The following RTN2 variants were observed in gnomAD, a reference collection of about 807,000 sequenced individuals.
The protein encoded by RTN2 is reticulon 2.
Under a neutral mutation model 63.7 loss-of-function variants are expected in RTN2, and 36 were observed. The observed-to-expected ratio is 0.56, with a 90% CI of 0.43 to 0.75. The LOEUF (loss-of-function observed/expected upper bound fraction) is 0.75, where lower values mean the gene tolerates loss of function less well. Among genes scored for constraint, RTN2 ranks in the 30% least tolerant of loss-of-function variants. The pLI is 0.00. For synonymous variants in RTN2, 312 were observed against 313.0 expected, an observed-to-expected ratio of 1.00 and a Z score of 0.03; for missense variants, 673 against 705.1, an observed-to-expected ratio of 0.95 and a Z score of 0.52.
chr19:45,495,332 T>TA (rs766440358), intron 1 of RTN2, 193 bp from the exon 2 acceptor site: 2 of 645,138 alleles, frequency 3.1e-6, no homozygotes, highest in Non-Finnish European at 2.7e-6. Context: ...ATCTTAATCT[T>TA]AGAGTCTTCA....
Position 45,489,411 on chromosome 19 carries a change from G to A in RTN2, c.1176C>T (p.Ile392=), listed in dbSNP as rs777385348. 24 of 1,604,730 alleles carry A rather than the reference G, an allele frequency of 1.5e-5. No homozygotes were observed. Among genetic ancestry groups the A allele is most frequent in the Non-Finnish European group, 2.0e-5 (23 of 1,176,080 alleles). ...HLALLLLCGT[I]SLRVYRKVLQ... ...GCACTTTGCGGTAAACCCTGAGAGA[G>A]ATGGTGCCGCAGAGCAGCAACAGAG... is the stretch of plus-strand genomic sequence containing the variant. Residue 392 remains isoleucine (I), a synonymous_variant, in exon 6 of 11, where the codon ATC becomes ATT. Coordinates refer to ENST00000245923, the MANE Select transcript of RTN2 (RefSeq NM_005619.5).
At chr19:45,485,982 G>A in intron 10 of RTN2, 73 bp downstream of exon 10, 2 of 1,460,732 alleles carry the variant, frequency 1.4e-6, no homozygotes, top group South Asian at 2.3e-5. Context: ...TTTGCGGACA[G>A]CGAGAGTAGA....
Position 45,489,676 on chromosome 19 carries a change from C to CTTT in RTN2, c.1034-126_1034-124dup, listed in dbSNP as rs200770145. 0.052 allele frequency: 25,463 copies of CTTT among 492,892 alleles called. 643 individuals are homozygous for CTTT. The highest frequency in any genetic ancestry group is 0.065 in the East Asian group (1,931 of 29,604). The allele number at this position is 492,892 out of a possible 1,614,324, so 30.5% of individuals were successfully genotyped here. On this transcript the variant is annotated intron_variant, in intron 5 of 10. Coordinates refer to ENST00000245923, the MANE Select transcript of RTN2 (RefSeq NM_005619.5). ...ACCTGTTTGAGCATAACCTGATTTC[C>CTTT]TTTTTTTTTTTTTTTTTTTGAGAGA...
chr19:45,494,765 T>C lies in RTN2; in HGVS notation c.320A>G (p.Asp107Gly). The change falls in exon 3 of 11, where the codon GAC (aspartate) becomes GGC (glycine). Residue 107 changes from aspartate (D) to glycine (G), a missense_variant. Coordinates refer to ENST00000245923, the MANE Select transcript of RTN2 (RefSeq NM_005619.5). This position sits in a 1 kb window ranked among gnomAD's most constrained non-coding sequence, Gnocchi z 5.3. ...CAGGCTGGGGATGCTCTCCAAGCTG[T>C]CGCCCAGGCTGGGCTGAGGGTGCTG... ...RDQHPQPSLG[D>G]SLESIPSLSQ... is the part of the protein sequence containing the mutation. 1 of 1,608,098 alleles carries C rather than the reference T, an allele frequency of 6.2e-7. No homozygotes were observed.
Position 45,488,887 on chromosome 19 carries a change from C to G in RTN2, c.1341G>C (p.Arg447=), listed in dbSNP as rs1186067804. The change falls in exon 7 of 11, where the codon CGG becomes CGC. Residue 447 remains arginine, a synonymous_variant. Coordinates refer to ENST00000245923, the MANE Select transcript of RTN2 (RefSeq NM_005619.5). ...CGAGGTCTTCTACCAGGAAGAAGTG[C>G]CGCAGCTGCGTGGCCGCCGAGACCA... ...SRVVSAATQL[R]HFFLVEDLVD... is the part of the protein sequence containing the mutation. 1 of 1,605,522 alleles carries G rather than the reference C, an allele frequency of 6.2e-7. No individual in the cohort carries two copies. The highest frequency in any genetic ancestry group is 1.7e-5 in the Admixed American group (1 of 57,970).
Position 45,485,446 on chromosome 19 carries a change from C to T in RTN2, c.*262G>A, listed in dbSNP as rs994921989. 5 of 515,278 alleles carry T rather than the reference C, an allele frequency of 9.7e-6. No individual in the cohort carries two copies. Among genetic ancestry groups the T allele is most frequent in the African/African-American group, 9.6e-5 (5 of 52,332 alleles). 31.9% of individuals were successfully genotyped at this position (515,278 alleles called of 1,614,324 possible). A position where few individuals can be genotyped will look rare whatever the true frequency, so the allele number is the denominator to read the frequency against. On this transcript the variant is annotated 3_prime_UTR_variant, in exon 11 of 11. Transcript: ENST00000245923. The stretch of plus-strand genomic sequence containing the variant: ...GGGTCCGGAAGTGCAGGGTGGTGCC[C>T]TGTCTAGGCAACTACAAGTCCCAGC...
Position 45,485,713 on chromosome 19 carries a change from C to A in RTN2, c.1633G>T (p.Glu545Ter), listed in dbSNP as rs749254111. 4 of 1,613,748 alleles carry A rather than the reference C, an allele frequency of 2.5e-6. No individual in the cohort carries two copies. Among genetic ancestry groups the A allele is most frequent in the Non-Finnish European group, 3.4e-6 (4 of 1,179,800 alleles). ...TGCGGGCAGAGACACCGTTCTCATT[C>A]GGCTTTGGCTTTGGATCCGGAGACT... ...AAVSGSKAKA[E>*] The change falls in exon 11 of 11, where the codon GAA becomes TAA. Residue 545 changes from glutamate to a stop codon, truncating the protein, a stop_gained. Transcript: ENST00000245923. LOFTEE classifies it high-confidence loss of function.
At position 45,494,390 on chromosome 19, in the gene RTN2, G is replaced by C. The variant is rs545688175; in HGVS notation, c.590C>G (p.Pro197Arg). The C allele has an allele frequency of 3.1e-6, 5 of 1,613,766 alleles. No individual in the cohort carries two copies. In the South Asian group the frequency reaches 4.4e-5, roughly 14 times the overall value. Reference sequence around the variant, plus strand: ...GGGAGTCAAGACCTCGGGCGATGAGGGCTGAGCAAGTCGGAGTCGTAGGTC... The same window carrying C: ...GGGAGTCAAGACCTCGGGCGATGAGCGCTGAGCAAGTCGGAGTCGTAGGTC... ...ELDLRLRLAQ[P>R]SSPEVLTPQL... The change falls in exon 4 of 11, where the codon CCC (proline) becomes CGC (arginine). Residue 197 changes from proline to arginine, a missense_variant. Transcript: ENST00000245923. This position sits in a 1 kb window ranked among gnomAD's most constrained non-coding sequence, Gnocchi z 5.3.
rs1187972024 is a variant in RTN2 at position 45,485,691 on chromosome 19, G to C, written c.*17C>G. ...CGGGGGCTGGGGGCAGGCGTCCTGC[G>C]GGCAGAGACACCGTTCTCATTCGGC... On this transcript the variant is annotated 3_prime_UTR_variant, in exon 11 of 11. Coordinates refer to ENST00000245923, the MANE Select transcript of RTN2 (RefSeq NM_005619.5). The C allele has an allele frequency of 1.1e-5, 17 of 1,609,332 alleles. No homozygotes were observed. Among genetic ancestry groups the C allele is most frequent in the East Asian group, 2.2e-5 (1 of 44,864 alleles).
At chr19:45,493,538 C>A (rs770443953) in intron 4 of RTN2, among the ~76,000 whole-genome samples, 160 bp from the exon 5 acceptor site, 1 of 152,190 alleles carries the variant, frequency 6.6e-6, no homozygotes, top group Non-Finnish European at 1.5e-5. Context: ...AAAGGATCCT[C>A]CCGCCTCGGC....
In RTN2 at chr19:45,494,593, G is replaced by C; in HGVS notation, c.492C>G (p.Ser164Arg). 1.2e-6 allele frequency: 2 copies of C among 1,614,064 alleles called. No individual in the cohort carries two copies. Among genetic ancestry groups the C allele is most frequent in the Non-Finnish European group, 1.7e-6 (2 of 1,180,024 alleles). Residue 164 changes from serine to arginine, a missense_variant, in exon 3 of 11, where the codon AGC becomes AGG. Transcript: ENST00000245923. The surrounding 1 kb of genome is among the most constrained non-coding windows in gnomAD (Gnocchi z 5.3). ...TGSGEDSSTS[S>R]STPLEDEEPQ... ...GTTCTTCGTCTTCCAGCGGGGTGGA[G>C]CTGCTGGTGGAAGAGTCCTCCCCGG...
intron 8 of RTN2, 39 bp from the exon 9 acceptor site, chr19:45,488,556 G>C (rs774409183): frequency 6.2e-7 from 1 of 1,613,696 alleles, no homozygotes; most frequent in African/African-American, 1.3e-5. Context: ...GTGTTCCCAA[G>C]AGATGAACAG....
At chr19:45,491,657 G>A (rs922150123) in intron 5 of RTN2, among the ~76,000 whole-genome samples, 9 of 151,122 alleles carry the variant, frequency 6.0e-5, no homozygotes, top group African/African-American at 1.7e-4. Context: ...TCAGCCTCCC[G>A]AGTAGCTGGG....
At chr19:45,493,427 G>A in intron 4 of RTN2, 49 bp from the exon 5 acceptor site, 1 of 1,311,110 alleles carries the variant, frequency 7.6e-7, no homozygotes, top group East Asian at 2.3e-5. Context: ...TTTACAACTG[G>A]CCAATAGATG....
intron 7 of RTN2, 70 bp from the exon 8 acceptor site, chr19:45,488,776 G>A: frequency 6.3e-7 from 1 of 1,594,768 alleles, no homozygotes; most frequent in African/African-American, 1.3e-5. Context: ...TTACCCAACA[G>A]TCGCCCTCCC....
chr19:45,493,116 T>C (rs1471193892), intron 5 of RTN2, 44 bp downstream of exon 5: 1 of 1,571,928 alleles, frequency 6.4e-7, no homozygotes, highest in Non-Finnish European at 8.7e-7. Context: ...TTGGACCCCG[T>C]TCCGCCGACC....
In RTN2 at chr19:45,489,519, C is replaced by A; in HGVS notation, c.1068G>T (p.Thr356=). ...TCAGGCCTGTGAAGACCACTCCTGA[C>A]GTCCTCGTGTCCTTCCAGTACAGCA... is the stretch of plus-strand genomic sequence containing the variant. The part of the protein sequence containing the change: ...ADLLYWKDTR[T]SGVVFTGLMV... Residue 356 remains threonine, a synonymous_variant, in exon 6 of 11, where the codon ACG becomes ACT. Transcript: ENST00000245923. 3.1e-6 allele frequency: 5 copies of A among 1,609,232 alleles called. No individual in the cohort carries two copies. The highest frequency in any genetic ancestry group is 4.2e-6 in the Non-Finnish European group (5 of 1,177,820).
chr19:45,494,540 C>T lies in RTN2; in HGVS notation c.545G>A (p.Gly182Glu), dbSNP rs866720252. 3 of 1,613,576 alleles carry T rather than the reference C, an allele frequency of 1.9e-6. No homozygotes were observed. Among genetic ancestry groups the T allele is most frequent in the Non-Finnish European group, 2.5e-6 (3 of 1,179,568 alleles). Reference protein sequence around the residue: ...EPQEPNRLETGEAGEELDLRL... With the variant: ...EPQEPNRLETEEAGEELDLRL... ...GGACATCTCACCTTCCCCAGCTTCT[C>T]CTGTCTCCAATCTGTTGGGTTCTTG... The change falls in exon 3 of 11, where the codon GGA (glycine) becomes GAA (glutamate). Residue 182 changes from glycine to glutamate, a missense_variant. Gly to Glu is a moderately conservative substitution (Grantham distance 98). Coordinates refer to ENST00000245923, the MANE Select transcript of RTN2 (RefSeq NM_005619.5). The surrounding 1 kb of genome is among the most constrained non-coding windows in gnomAD (Gnocchi z 5.3).
intron 5 of RTN2, 99 bp from the exon 6 acceptor site, chr19:45,489,652 C>A (rs1479733539): frequency 1.3e-6 from 1 of 759,714 alleles, no homozygotes; most frequent in Non-Finnish European, 2.1e-6. Flanking sequence ...TCTCGACACA[C>A]CTGTTTGAGC....
Sources: allele counts gnomAD v4.1 joint callset (sites outside exome capture counted in the v4.1 genomes callset), GRCh38; gene constraint gnomAD v4.1.1; non-coding constraint Gnocchi (gnomAD v3.1); transcripts MANE v1.5; gene names NCBI Gene and HGNC (gene_info 2026-07-23, HGNC 2026-07-21).